The following CRIM1 variants were observed in gnomAD, a reference collection of about 807,000 sequenced individuals.
CRIM1 encodes the protein cysteine-rich motor neuron 1 protein.
Under a neutral mutation model 116.4 loss-of-function variants are expected in CRIM1, and 32 were observed. The observed-to-expected ratio is 0.27, with a 90% CI of 0.21 to 0.37. CRIM1 has a LOEUF of 0.37. Among genes scored for constraint, CRIM1 ranks in the 10% least tolerant of loss-of-function variants. CRIM1 has a pLI of 1.00. For synonymous variants in CRIM1, 590 were observed against 509.2 expected (o/e 1.16, Z -2.13); for missense variants, 1,331 against 1,354.8 (o/e 0.98, Z 0.28).
intron 2 of CRIM1, among the ~76,000 whole-genome samples, chr2:36,425,846 A>G (rs1477952914): frequency 6.6e-6 from 1 of 152,214 alleles, no homozygotes; most frequent in African/African-American, 2.4e-5. Context: ...CTTGCAATTC[A>G]TTGCTTTAAC....
intron 1 of CRIM1, among the ~76,000 whole-genome samples, chr2:36,392,215 T>C (rs956753649): frequency 4.6e-5 from 7 of 152,252 alleles, no homozygotes; most frequent in African/African-American, 7.2e-5. Flanking sequence ...TATTTGAACA[T>C]ATATGAATTT....
chr2:36,484,867 A>G (rs1679699329), intron 7 of CRIM1, among the ~76,000 whole-genome samples: 2 of 152,202 alleles, frequency 1.3e-5, no homozygotes, highest in Non-Finnish European at 2.9e-5. Flanking sequence ...ATTCCGTGCT[A>G]GCGGTTGGGC....
At chr2:36,374,075 G>A (rs928696588) in intron 1 of CRIM1, among the ~76,000 whole-genome samples, 11 of 152,200 alleles carry the variant, frequency 7.2e-5, no homozygotes, top group Admixed American at 6.5e-4. Flanking sequence ...TATAGTTGCT[G>A]ATGTCCTACC....
At chr2:36,364,351 A>G (rs1022434629) in intron 1 of CRIM1, among the ~76,000 whole-genome samples, 4 of 152,224 alleles carry the variant, frequency 2.6e-5, no homozygotes, top group African/African-American at 7.2e-5. Context: ...TATTATAGTC[A>G]TTATTTTTCA....
intron 13 of CRIM1, chr2:36,532,167 C>G (rs957774876): frequency 1.1e-5 from 4 of 355,728 alleles, no homozygotes; most frequent in African/African-American, 6.4e-5. Flanking sequence ...AAAATTGGCC[C>G]TGGACGCCAT....
intron 4 of CRIM1, among the ~76,000 whole-genome samples, chr2:36,452,901 C>T (rs1286737960): frequency 2.6e-5 from 4 of 152,264 alleles, no homozygotes; most frequent in Non-Finnish European, 5.9e-5. Context: ...AAGTTGAAAG[C>T]GGAATCCACA....
intron 4 of CRIM1, among the ~76,000 whole-genome samples, chr2:36,451,851 A>G (rs561318834): frequency 2.0e-5 from 3 of 152,224 alleles, no homozygotes; most frequent in Non-Finnish European, 4.4e-5. Flanking sequence ...TTCAGAGCTC[A>G]GAAAGCACTT....
intron 13 of CRIM1, among the ~76,000 whole-genome samples, chr2:36,530,821 T>G (rs1666061660): frequency 6.6e-6 from 1 of 152,162 alleles, no homozygotes; most frequent in Non-Finnish European, 1.5e-5. Context: ...ATCATGTTAT[T>G]AGCAGGACCA....
chr2:36,424,849 A>T (rs1024423438), intron 2 of CRIM1, among the ~76,000 whole-genome samples: 1 of 152,122 alleles, frequency 6.6e-6, no homozygotes, highest in Non-Finnish European at 1.5e-5. Context: ...TTAAATTATC[A>T]TATGTACCCA....
intron 1 of CRIM1, among the ~76,000 whole-genome samples, chr2:36,374,753 CCAAA>C (rs886772743): frequency 2.0e-5 from 3 of 152,114 alleles, no homozygotes; most frequent in African/African-American, 7.2e-5. Flanking sequence ...TGGGCGTGCT[CCAAA>C]CAGATAGCTG....
At chr2:36,538,824 ATGGTTTT>A (rs1666741952) in intron 14 of CRIM1, among the ~76,000 whole-genome samples, 1 of 152,174 alleles carries the variant, frequency 6.6e-6, no homozygotes, top group Non-Finnish European at 1.5e-5. Context: ...GAAAAAATAT[ATGGTTTT>A]CCACTGGAAT....
rs796125635 is a variant in CRIM1 at position 36,533,427 on chromosome 2, A to C, written c.2429-3925A>C. ...AACACAATGAGACCCCATCTCCACA[A>C]AAAAAAAAAAAAAAAACCCTAAAAA... On this transcript the variant is annotated intron_variant, in intron 13 of 16. Coordinates refer to ENST00000280527, the MANE Select transcript of CRIM1 (RefSeq NM_016441.3). Among the ~76,000 whole-genome samples, 3 of 56,104 alleles carry C rather than the reference A, an allele frequency of 5.3e-5. No homozygotes were observed. In the East Asian group the frequency reaches 3.0e-3, roughly 57 times the overall value. 36.8% of individuals were successfully genotyped at this position (56,104 alleles called of 152,430 possible).
At chr2:36,534,091 A>AAAGG (rs1240019565) in intron 13 of CRIM1, among the ~76,000 whole-genome samples, 1 of 127,088 alleles carries the variant, frequency 7.9e-6, no homozygotes, top group South Asian at 2.8e-4. Flanking sequence ...GAGAGAGGGG[A>AAAGG]AAGGAAGGAA....
At position 36,388,732 on chromosome 2, in the gene CRIM1, G is replaced by A. The variant is rs144472778; in HGVS notation, c.332-7882G>A. Among the ~76,000 whole-genome samples the A allele has an allele frequency of 9.2e-5, 14 of 151,378 alleles. 1 individual carries two copies. In the East Asian group the frequency reaches 1.4e-3, roughly 15 times the overall value. Reference sequence around the variant, plus strand: ...CTGTGAAGTAGGAGAGTTGTGTCCCGTAGCCCCAATTTCTCCTGTCCTTAT... The same window carrying A: ...CTGTGAAGTAGGAGAGTTGTGTCCCATAGCCCCAATTTCTCCTGTCCTTAT... On this transcript the variant is annotated intron_variant, in intron 1 of 16. Transcript: ENST00000280527.
intron 1 of CRIM1, among the ~76,000 whole-genome samples, chr2:36,377,189 G>T (rs1003323688): frequency 1.3e-5 from 2 of 152,320 alleles, no homozygotes; most frequent in African/African-American, 4.8e-5. Context: ...GGTGGCGCTG[G>T]TCTCACTCCA....
chr2:36,520,907 C>T (rs1277947867), intron 12 of CRIM1, among the ~76,000 whole-genome samples: 3 of 152,166 alleles, frequency 2.0e-5, no homozygotes, highest in African/African-American at 7.2e-5. Context: ...GAAGTTGGTT[C>T]TGGGAAGAAC....
intron 13 of CRIM1, among the ~76,000 whole-genome samples, chr2:36,530,162 A>C (rs185703745): frequency 1.6e-4 from 25 of 152,258 alleles, no homozygotes; most frequent in Admixed American, 5.2e-4. Context: ...TGTGTATTAG[A>C]TCTCTGCCTC....
At chr2:36,542,077 T>G (rs1388911833) in intron 14 of CRIM1, among the ~76,000 whole-genome samples, 1 of 152,182 alleles carries the variant, frequency 6.6e-6, no homozygotes, top group Non-Finnish European at 1.5e-5. Flanking sequence ...GTGCGTGTTC[T>G]GTGATAAAGA....
At chr2:36,373,799 A>AC (rs1166336997) in intron 1 of CRIM1, among the ~76,000 whole-genome samples, 1 of 152,162 alleles carries the variant, frequency 6.6e-6, no homozygotes, top group Non-Finnish European at 1.5e-5. Flanking sequence ...TACAACATAC[A>AC]CCCATGCAAA....
Sources: gnomAD v4.1 joint callset for allele counts (sites outside exome capture counted in the v4.1 genomes callset) on GRCh38, gnomAD v4.1.1 for gene constraint, MANE v1.5 for transcripts, NCBI Gene and HGNC (gene_info 2026-07-23, HGNC 2026-07-21) for gene names.